CNR2: variants seen among roughly 807,000 people sequenced by gnomAD.
CNR2 encodes cannabinoid receptor 2 (macrophage).
For synonymous variants in CNR2, 172 were observed against 182.2 expected, an observed-to-expected ratio of 0.94 and a Z score of 0.45; for missense variants, 379 against 439.9, an observed-to-expected ratio of 0.86 and a Z score of 1.24.
chr1:23,908,093 G>A (rs1640526345), intron 1 of CNR2, among the ~76,000 whole-genome samples: 1 of 137,686 alleles, frequency 7.3e-6, no homozygotes, highest in Non-Finnish European at 1.5e-5. Context: ...CAATTCTCCT[G>A]CCTCAGCCTC....
chr1:23,907,337 G>T (rs994713422), intron 1 of CNR2, among the ~76,000 whole-genome samples: 3 of 150,506 alleles, frequency 2.0e-5, no homozygotes, highest in African/African-American at 7.4e-5. Context: ...TGGAGGTTGG[G>T]ACGTGGAGGT....
chr1:23,887,821 A>G (rs1301494639), intron 1 of CNR2, among the ~76,000 whole-genome samples: 1 of 3,812 alleles, frequency 2.6e-4, no homozygotes, highest in African/African-American at 9.7e-4. Context: ...ACCAAGGCTA[A>G]AAAAAAAATT....
chr1:23,894,871 C>T (rs1454832683), intron 1 of CNR2, among the ~76,000 whole-genome samples: 3 of 152,218 alleles, frequency 2.0e-5, no homozygotes, highest in Non-Finnish European at 2.9e-5. Context: ...AGTTGCTTTG[C>T]ATTCTCCCCT....
intron 1 of CNR2, among the ~76,000 whole-genome samples, chr1:23,885,063 A>T (rs1293142880): frequency 6.6e-6 from 1 of 151,762 alleles, no homozygotes; most frequent in African/African-American, 2.4e-5. Flanking sequence ...GCCTCCCAAA[A>T]TGCTGGGGTT....
Position 23,874,949 on chromosome 1 carries a change from C to T in CNR2, c.669G>A (p.Leu223=), listed in dbSNP as rs201178693. Residue 223 remains leucine, a synonymous_variant, in exon 2 of 2, where the codon TTG becomes TTA. Transcript: ENST00000374472. ...GCACCTGCCTGTCCTGGTGGCCAGA[C>T]AAGCTGGCCACATGCTGATGGGCCT... ...LWKAHQHVAS[L]SGHQDRQVPG... is the part of the protein sequence containing the mutation. 1.2e-6 allele frequency: 2 copies of T among 1,611,248 alleles called. No homozygotes were observed. Among genetic ancestry groups the T allele is most frequent in the African/African-American group, 1.3e-5 (1 of 74,914 alleles).
At chr1:23,892,907 T>C (rs1328136984) in intron 1 of CNR2, among the ~76,000 whole-genome samples, 2 of 151,764 alleles carry the variant, frequency 1.3e-5, no homozygotes, top group South Asian at 2.1e-4. Flanking sequence ...TCCCAGCTAC[T>C]TGGGAGGCTG....
rs975938025 is a variant in CNR2, at chr1:23,871,974, A to T, written c.*2561T>A. 1 of 151,870 alleles carries T rather than the reference A, an allele frequency of 6.6e-6. No homozygotes were observed. The highest frequency in any genetic ancestry group is 1.5e-5 in the Non-Finnish European group (1 of 67,984). 9.4% of individuals were successfully genotyped at this position (151,870 alleles called of 1,614,324 possible). A position where few individuals can be genotyped will look rare whatever the true frequency, so the allele number is the denominator to read the frequency against. Reference sequence around the variant, plus strand: ...ATGGTGAAACCCCATCTCTACTAAAAATACAAAAATTAGCTGAGTGTGGTG... The same window carrying T: ...ATGGTGAAACCCCATCTCTACTAAATATACAAAAATTAGCTGAGTGTGGTG... On this transcript the variant is annotated 3_prime_UTR_variant, in exon 2 of 2. Transcript: ENST00000374472.
At chr1:23,903,129 C>CTA (rs1309287629) in intron 1 of CNR2, among the ~76,000 whole-genome samples, 2 of 152,064 alleles carry the variant, frequency 1.3e-5, no homozygotes, top group Non-Finnish European at 2.9e-5. Flanking sequence ...ACCCGTGCCC[C>CTA]TACCACCCCC....
At chr1:23,910,122 A>ATTTTTTT (rs34885370) in intron 1 of CNR2, among the ~76,000 whole-genome samples, 1 of 120,312 alleles carries the variant, frequency 8.3e-6, no homozygotes, top group African/African-American at 3.3e-5. Context: ...CTAATTTTTA[A>ATTTTTTT]TTTTTTTTTT....
chr1:23,911,604 C>G (rs562624640), intron 1 of CNR2, among the ~76,000 whole-genome samples: 24 of 152,042 alleles, frequency 1.6e-4, no homozygotes, highest in Non-Finnish European at 3.4e-4. Flanking sequence ...GTGACTTCAA[C>G]TGAATAAAGA....
intron 1 of CNR2, among the ~76,000 whole-genome samples, chr1:23,881,703 A>T (rs1382029700): frequency 3.3e-5 from 5 of 151,654 alleles, no homozygotes; most frequent in Admixed American, 6.6e-5. Context: ...AGCCTGACCA[A>T]CGTGAAGAAA....
chr1:23,913,089 C>G (rs924874419), intron 1 of CNR2, among the ~76,000 whole-genome samples, 157 bp downstream of exon 1: 3 of 18,640 alleles, frequency 1.6e-4, no homozygotes, highest in Non-Finnish European at 1.9e-3. Flanking sequence ...ATCGCTTGAA[C>G]CTGTGAGGCT....
rs1228406244 is a variant in CNR2, at chr1:23,902,632, T to C, written c.-46+10614A>G. The C allele has an allele frequency of 2.5e-6, 4 of 1,599,264 alleles. No homozygotes were observed. The African/African-American group carries it at 5.3e-5, about 21-fold the overall frequency. On this transcript the variant is annotated intron_variant, in intron 1 of 1. Coordinates refer to ENST00000374472, the MANE Select transcript of CNR2 (RefSeq NM_001841.3). Reference sequence around the variant, plus strand: ...GAGCTGCAGACAGCCAGGACGTACTTGTGGGCGGGCACCGTCCTGGTCGCC... The same window carrying C: ...GAGCTGCAGACAGCCAGGACGTACTCGTGGGCGGGCACCGTCCTGGTCGCC...
In CNR2 at chr1:23,888,154, T is replaced by C. The variant is rs138798774; in HGVS notation, c.-45-12492A>G. 6.6e-3 allele frequency among the ~76,000 whole-genome samples: 1,001 copies of C among 152,314 alleles called. 12 individuals are homozygous for C. Among genetic ancestry groups the C allele is most frequent in the African/African-American group, 0.023 (954 of 41,562 alleles). On this transcript the variant is annotated intron_variant, in intron 1 of 1. Coordinates refer to ENST00000374472, the MANE Select transcript of CNR2 (RefSeq NM_001841.3). ...CCTGGGCTCAGACTTTCAGGACACA[T>C]GTCCACTGAGCCAGTGTACACCTTA...
intron 1 of CNR2, among the ~76,000 whole-genome samples, chr1:23,898,211 G>C (rs1380605397): frequency 6.6e-6 from 1 of 151,236 alleles, no homozygotes; most frequent in Non-Finnish European, 1.5e-5. Context: ...TTATTTTTTT[G>C]TATTTTTAGT....
intron 1 of CNR2, among the ~76,000 whole-genome samples, chr1:23,907,402 T>A (rs545779137): frequency 1.4e-5 from 1 of 70,394 alleles, no homozygotes; most frequent in Admixed American, 1.8e-4. Context: ...GAGGGAGACC[T>A]TGTCTCAAAA....
At chr1:23,888,111 G>C (rs1390015710) in intron 1 of CNR2, among the ~76,000 whole-genome samples, 1 of 152,136 alleles carries the variant, frequency 6.6e-6, no homozygotes. Flanking sequence ...ATGCTTAAAG[G>C]GGACTCGTTT....
intron 1 of CNR2, among the ~76,000 whole-genome samples, chr1:23,881,125 A>C (rs59221746): frequency 0.012 from 1,856 of 151,366 alleles, 45 homozygotes; most frequent in African/African-American, 0.042. Context: ...AAAATACAAA[A>C]ATCAGCTGGG....
At chr1:23,903,201 A>G (rs1640433179) in intron 1 of CNR2, among the ~76,000 whole-genome samples, 1 of 151,926 alleles carries the variant, frequency 6.6e-6, no homozygotes, top group Non-Finnish European at 1.5e-5. Context: ...CCGCAGCAAT[A>G]ACTGCTTTTT....
Sources: gnomAD v4.1 joint callset for allele counts (sites outside exome capture counted in the v4.1 genomes callset) on GRCh38, gnomAD v4.1.1 for gene constraint, MANE v1.5 for transcripts, NCBI Gene and HGNC (gene_info 2026-07-23, HGNC 2026-07-21) for gene names.